Variants in ARID1A observed in about 807,000 individuals in gnomAD.
ARID1A encodes AT-rich interaction domain 1A, also known as AT-rich interactive domain-containing protein 1A.
ARID1A carries 20 observed loss-of-function variants against 212.6 expected under a neutral mutation model. The ratio of observed to expected loss-of-function variants is 0.09; its 90% confidence interval spans 0.07 to 0.14. The LOEUF is 0.14. ARID1A is among the 10% of genes least tolerant of loss of function. The pLI, the probability that ARID1A is intolerant of heterozygous loss-of-function variation, is 1.00. For missense variants in ARID1A, 2,587 were observed against 3,059.0 expected, an observed-to-expected ratio of 0.85 and a Z score of 3.64; for synonymous variants, 1,376 against 1,222.1, an observed-to-expected ratio of 1.13 and a Z score of -2.63.
rs2124740778 is a variant in ARID1A, at chr1:26,696,619, G to C, written c.216G>C (p.Glu72Asp). Residue 72 changes from glutamate (E) to aspartate (D), a missense_variant, in exon 1 of 20, where the codon GAG becomes GAC. Physicochemically the swap from Glu to Asp is conservative, Grantham distance 45. This residue lies in a region of ARID1A where 735 missense variants were observed against 590.6 expected (regional missense o/e 1.24). Transcript: ENST00000324856. ...GGCCGCCGCAGCCGCTGGGAAAGGA[G>C]CTGCAGGACGGGGCCGAGAGCAATG... ...AVGPPQPLGK[E>D]LQDGAESNGG... The C allele has an allele frequency of 8.0e-7, 1 of 1,254,936 alleles. No homozygotes were observed. 77.7% of individuals were successfully genotyped at this position (1,254,936 alleles called of 1,614,324 possible).
chr1:26,719,916 G>C (rs1421903095), intron 1 of ARID1A, among the ~76,000 whole-genome samples: 1 of 145,944 alleles, frequency 6.9e-6, no homozygotes, highest in Non-Finnish European at 1.5e-5. Flanking sequence ...ACTCTAGCCT[G>C]GGCAACAAAA....
intron 1 of ARID1A, among the ~76,000 whole-genome samples, chr1:26,709,157 A>G (rs539526935): frequency 1.3e-5 from 2 of 152,310 alleles, no homozygotes; most frequent in African/African-American, 2.4e-5. Context: ...TCTCAACTAT[A>G]TAATGAGGAA....
intron 1 of ARID1A, among the ~76,000 whole-genome samples, chr1:26,711,173 A>G (rs1281103196): frequency 4.6e-5 from 7 of 151,578 alleles, no homozygotes; most frequent in Admixed American, 6.6e-5. Flanking sequence ...CAGTGGTGCA[A>G]TCTCAGCTCA....
At chr1:26,711,432 A>G (rs1214124751) in intron 1 of ARID1A, among the ~76,000 whole-genome samples, 2 of 152,036 alleles carry the variant, frequency 1.3e-5, no homozygotes, top group Non-Finnish European at 2.9e-5. Context: ...TCTTGCTCTT[A>G]TAAGGGCACT....
In ARID1A at chr1:26,779,925, C is replaced by G. The variant is rs771725023; in HGVS notation, c.6027C>G (p.Leu2009=). ...FEMSKHPGLL[L]ILGKLILLHH... ...TGTCCAAACACCCAGGGCTGCTGCT[C>G]ATCCTGGGCAAGCTGATCCTGCTGC... Residue 2009 remains leucine, a synonymous_variant, in exon 20 of 20, where the codon CTC becomes CTG. Coordinates refer to ENST00000324856, the MANE Select transcript of ARID1A (RefSeq NM_006015.6). 1 of 1,614,138 alleles carries G rather than the reference C, an allele frequency of 6.2e-7. No homozygotes were observed. The highest frequency in any genetic ancestry group is 8.5e-7 in the Non-Finnish European group (1 of 1,180,014).
At chr1:26,768,129 A>G in intron 11 of ARID1A, 130 bp downstream of exon 11, 4 of 1,051,344 alleles carry the variant, frequency 3.8e-6, no homozygotes, top group Middle Eastern at 3.1e-4. Context: ...TGAGTCTAAT[A>G]TTGATAGACC....
At chr1:26,720,552 A>T (rs1349531345) in intron 1 of ARID1A, among the ~76,000 whole-genome samples, 2 of 152,018 alleles carry the variant, frequency 1.3e-5, no homozygotes, top group African/African-American at 4.8e-5. Context: ...AAATGCTCCC[A>T]GACTGGATAC....
Position 26,731,285 on chromosome 1 carries a change from A to G in ARID1A, c.1484A>G (p.His495Arg). The G allele has an allele frequency of 1.2e-6, 2 of 1,613,684 alleles. No homozygotes were observed. Among genetic ancestry groups the G allele is most frequent in the Non-Finnish European group, 1.7e-6 (2 of 1,179,940 alleles). ...YSQQPPSQTPHAQPSYQQQPQ... is the reference protein window; with the variant it reads ...YSQQPPSQTPRAQPSYQQQPQ... ...CAGCAACCACCGTCCCAGACCCCTCATGCCCAACCTTCGTATCAGCAGCAG... is the reference window on the plus strand; with the variant it reads ...CAGCAACCACCGTCCCAGACCCCTCGTGCCCAACCTTCGTATCAGCAGCAG... Residue 495 changes from histidine (H) to arginine (R), a missense_variant, in exon 3 of 20, where the codon CAT becomes CGT. By Grantham distance (29) the His-to-Arg change is conservative. Coordinates refer to ENST00000324856, the MANE Select transcript of ARID1A (RefSeq NM_006015.6).
intron 4 of ARID1A, among the ~76,000 whole-genome samples, chr1:26,759,591 G>C (rs986469114): frequency 2.0e-5 from 3 of 152,134 alleles, no homozygotes; most frequent in Non-Finnish European, 4.4e-5. Flanking sequence ...TTAGTTCCCA[G>C]CCTGAAGTAA....
chr1:26,698,303 T>C (rs2080299028), intron 1 of ARID1A, among the ~76,000 whole-genome samples: 1 of 152,240 alleles, frequency 6.6e-6, no homozygotes, highest in Non-Finnish European at 1.5e-5. Context: ...CATCTCCTGC[T>C]CTTGGCCATT....
At chr1:26,717,286 C>T (rs565543605) in intron 1 of ARID1A, among the ~76,000 whole-genome samples, 1 of 152,282 alleles carries the variant, frequency 6.6e-6, no homozygotes, top group Admixed American at 6.5e-5. Flanking sequence ...ATTGAGGGTG[C>T]AGAGAGAGAA....
In ARID1A at chr1:26,780,944, TCA is replaced by T; in HGVS notation, c.*190_*191del. The T allele has an allele frequency of 1.3e-6, 1 of 766,446 alleles. No individual in the cohort carries two copies. The highest frequency in any genetic ancestry group is 2.1e-5 in the South Asian group (1 of 47,252). 47.5% of individuals were successfully genotyped at this position (766,446 alleles called of 1,614,324 possible). On this transcript the variant is annotated 3_prime_UTR_variant, in exon 20 of 20. Coordinates refer to ENST00000324856, the MANE Select transcript of ARID1A (RefSeq NM_006015.6). This position sits in a 1 kb window ranked among gnomAD's most constrained non-coding sequence, Gnocchi z 7.2. ...TTCCACCTCCCCTCCCTCCATCACCTCACGCCTTTCTGTTCCTTGTCCTCACC... is the reference window on the plus strand; with the variant it reads ...TTCCACCTCCCCTCCCTCCATCACCTCGCCTTTCTGTTCCTTGTCCTCACC...
chr1:26,728,400 C>T (rs1250191559), intron 1 of ARID1A, among the ~76,000 whole-genome samples: 1 of 152,170 alleles, frequency 6.6e-6, no homozygotes, highest in Non-Finnish European at 1.5e-5. Flanking sequence ...GTTTGGATCT[C>T]CCCTTCCTTT....
Position 26,780,972 on chromosome 1 carries a change from T to G in ARID1A, c.*216T>G. 1 of 598,396 alleles carries G rather than the reference T, an allele frequency of 1.7e-6. No individual in the cohort carries two copies. The highest frequency in any genetic ancestry group is 2.8e-6 in the Non-Finnish European group (1 of 363,046). 37.1% of individuals were successfully genotyped at this position (598,396 alleles called of 1,614,324 possible). A position where few individuals can be genotyped will look rare whatever the true frequency, so the allele number is the denominator to read the frequency against. ...CGCCTTTCTGTTCCTTGTCCTCACC[T>G]TACTCCCCTCAGGACCCTACCCCAC... On this transcript the variant is annotated 3_prime_UTR_variant, in exon 20 of 20. Transcript: ENST00000324856. This position sits in a 1 kb window ranked among gnomAD's most constrained non-coding sequence, Gnocchi z 7.2.
chr1:26,697,647 C>A, intron 1 of ARID1A, 107 bp downstream of exon 1: 3 of 1,103,788 alleles, frequency 2.7e-6, no homozygotes, highest in South Asian at 3.7e-5. Context: ...CCCGGGCCCC[C>A]ACTGCTGGGG....
Position 26,771,404 on chromosome 1 carries a change from G to A in ARID1A, c.3406+78G>A. On this transcript the variant is annotated intron_variant, in intron 12 of 19. Coordinates refer to ENST00000324856, the MANE Select transcript of ARID1A (RefSeq NM_006015.6). The surrounding 1 kb of genome is among the most constrained non-coding windows in gnomAD (Gnocchi z 5.4). ...CCTCTTATTCAGGATATGAATAAGA[G>A]GCTTATCCAACAGGATATGCCAAGG... is the stretch of plus-strand genomic sequence containing the variant. 3.5e-6 allele frequency: 5 copies of A among 1,440,390 alleles called. No individual in the cohort carries two copies. The highest frequency in any genetic ancestry group is 4.8e-6 in the Non-Finnish European group (5 of 1,039,812). 89.2% of individuals were successfully genotyped at this position (1,440,390 alleles called of 1,614,324 possible).
chr1:26,768,773 C>A (rs2081059628), intron 11 of ARID1A, among the ~76,000 whole-genome samples: 1 of 152,322 alleles, frequency 6.6e-6, no homozygotes, highest in African/African-American at 2.4e-5. Flanking sequence ...TGAGGCAGCA[C>A]AGACAGACAG....
intron 3 of ARID1A, among the ~76,000 whole-genome samples, chr1:26,732,159 T>A (rs993206772): frequency 6.6e-6 from 1 of 152,230 alleles, no homozygotes; most frequent in Non-Finnish European, 1.5e-5. Flanking sequence ...TTTGGAGTTA[T>A]GTCTGGTGAA....
rs1570540453 is a variant in ARID1A, at chr1:26,697,274, G to A, written c.871G>A (p.Ala291Thr). 1 of 1,366,884 alleles carries A rather than the reference G, an allele frequency of 7.3e-7. No individual in the cohort carries two copies. Among genetic ancestry groups the A allele is most frequent in the South Asian group, 1.8e-5 (1 of 55,910 alleles). 84.7% of individuals were successfully genotyped at this position (1,366,884 alleles called of 1,614,324 possible). Reference protein sequence around the residue: ...AAGGGTPQPTATPTLNQLLTS... With the variant: ...AAGGGTPQPTTTPTLNQLLTS... ...CGGCGGGGGAACTCCCCAGCCCACC[G>A]CCACCCCCACCCTCAACCAACTGCT... Residue 291 changes from alanine (A) to threonine (T), a missense_variant, in exon 1 of 20, where the codon GCC becomes ACC. Coordinates refer to ENST00000324856, the MANE Select transcript of ARID1A (RefSeq NM_006015.6).
Sources: allele counts gnomAD v4.1 joint callset (sites outside exome capture counted in the v4.1 genomes callset), GRCh38; gene constraint gnomAD v4.1.1; regional missense constraint gnomAD v4.1.1; non-coding constraint Gnocchi (gnomAD v3.1); transcripts MANE v1.5; gene names NCBI Gene and HGNC (gene_info 2026-07-23, HGNC 2026-07-21).